SEMA3A: variants seen among roughly 807,000 people sequenced by gnomAD.
SEMA3A encodes the protein semaphorin 3A, also known as semaphorin-3A.
A neutral mutation model predicts 97.9 loss-of-function variants in SEMA3A; 29 were observed. The observed-to-expected ratio is 0.30, with a 90% CI of 0.22 to 0.40. The LOEUF (loss-of-function observed/expected upper bound fraction) is 0.40, where lower values mean the gene tolerates loss of function less well. Ranked by LOEUF, SEMA3A falls within the 10% of genes least tolerant of loss-of-function variation. The pLI is 1.00. For missense variants in SEMA3A, 763 were observed against 951.3 expected, an observed-to-expected ratio of 0.80 and a Z score of 2.60; for synonymous variants, 321 against 323.7, an observed-to-expected ratio of 0.99 and a Z score of 0.09.
chr7:84,066,893 C>A (rs931647359), intron 4 of SEMA3A, among the ~76,000 whole-genome samples: 9 of 152,012 alleles, frequency 5.9e-5, no homozygotes, highest in Admixed American at 1.3e-4. Context: ...GCTACCAATG[C>A]CTTTCTTCAC....
At chr7:84,313,445 T>C (rs1204711359) in intron 2 of SEMA3A, among the ~76,000 whole-genome samples, 1 of 144,824 alleles carries the variant, frequency 6.9e-6, no homozygotes, top group Non-Finnish European at 1.5e-5. Flanking sequence ...CTTTCTTGGC[T>C]ACAGTTATGA....
chr7:84,430,382 G>T (rs1315579617), intron 1 of SEMA3A, among the ~76,000 whole-genome samples: 1 of 151,884 alleles, frequency 6.6e-6, no homozygotes, highest in African/African-American at 2.4e-5. Flanking sequence ...GAGACATTTT[G>T]CATAAGAACT....
At chr7:84,118,939 GAT>G (rs1795516727) in intron 3 of SEMA3A, among the ~76,000 whole-genome samples, 1 of 151,974 alleles carries the variant, frequency 6.6e-6, no homozygotes, top group Admixed American at 6.6e-5. Context: ...ATGATGAAAA[GAT>G]ATATCTTACA....
intron 2 of SEMA3A, among the ~76,000 whole-genome samples, chr7:84,307,568 G>A (rs1801191739): frequency 6.6e-6 from 1 of 152,098 alleles, no homozygotes; most frequent in Admixed American, 6.6e-5. Flanking sequence ...TTTAGGCTCT[G>A]GCTCTACTAA....
intron 2 of SEMA3A, among the ~76,000 whole-genome samples, chr7:84,316,305 G>T (rs1441680369): frequency 6.6e-6 from 1 of 151,470 alleles, no homozygotes; most frequent in Non-Finnish European, 1.5e-5. Context: ...TATAATTATT[G>T]TAACCAAATT....
chr7:84,416,203 G>C (rs1244585442), intron 1 of SEMA3A, among the ~76,000 whole-genome samples: 1 of 152,070 alleles, frequency 6.6e-6, no homozygotes. Context: ...ATTGAATCAT[G>C]GGAGCCAGTC....
At chr7:84,409,244 A>G (rs1277758617) in intron 1 of SEMA3A, among the ~76,000 whole-genome samples, 2 of 151,796 alleles carry the variant, frequency 1.3e-5, no homozygotes, top group East Asian at 1.9e-4. Flanking sequence ...GGATATTTTA[A>G]TTACCTTAAT....
intron 3 of SEMA3A, among the ~76,000 whole-genome samples, chr7:84,301,365 G>T (rs1335144830): frequency 6.6e-6 from 1 of 152,042 alleles, no homozygotes; most frequent in African/African-American, 2.4e-5. Flanking sequence ...TCTTCAGAAT[G>T]CATAAAGTGC....
chr7:84,488,315 TATACACACACACACAC>T (rs1215861226), intron 1 of SEMA3A, among the ~76,000 whole-genome samples: 1 of 94,210 alleles, frequency 1.1e-5, no homozygotes. Flanking sequence ...TTTCTTCGTA[TATACACACACACACAC>T]ACACACACAC....
rs554882230 is a variant in SEMA3A, at chr7:84,075,264, C to A, written c.454-14706G>T. Among the ~76,000 whole-genome samples, 8 of 150,374 alleles carry A rather than the reference C, an allele frequency of 5.3e-5. No homozygotes were observed. The East Asian group carries it at 1.6e-3, about 29-fold the overall frequency. ...TCTCGGCTCACTGTAACCTCCACCTCCTGGGTTCAAGTGATTCTCCTGCCT... is the reference window on the plus strand; with the variant it reads ...TCTCGGCTCACTGTAACCTCCACCTACTGGGTTCAAGTGATTCTCCTGCCT... On this transcript the variant is annotated intron_variant, in intron 4 of 16. Coordinates refer to ENST00000265362, the MANE Select transcript of SEMA3A (RefSeq NM_006080.3).
intron 1 of SEMA3A, among the ~76,000 whole-genome samples, chr7:84,170,950 T>C (rs574182775): frequency 6.6e-6 from 1 of 152,210 alleles, no homozygotes; most frequent in Non-Finnish European, 1.5e-5. Flanking sequence ...ACTAGGTCAA[T>C]GTATTATGAA....
chr7:84,489,686 C>T (rs1018215715), intron 1 of SEMA3A, among the ~76,000 whole-genome samples: 1 of 152,096 alleles, frequency 6.6e-6, no homozygotes, highest in African/African-American at 2.4e-5. Flanking sequence ...CTAGATTTTT[C>T]TCTTCCTTGA....
chr7:84,273,539 G>T, intron 3 of SEMA3A, among the ~76,000 whole-genome samples: 1 of 152,134 alleles, frequency 6.6e-6, no homozygotes, highest in South Asian at 2.1e-4. Context: ...CCTGAATGTC[G>T]CACATTTTCC....
chr7:84,479,197 G>T (rs1806378513), intron 1 of SEMA3A, among the ~76,000 whole-genome samples: 1 of 152,104 alleles, frequency 6.6e-6, no homozygotes, highest in African/African-American at 2.4e-5. Context: ...ATTGTAAGGG[G>T]AGAAACCTGG....
intron 2 of SEMA3A, among the ~76,000 whole-genome samples, chr7:84,342,038 C>G (rs951984839): frequency 1.3e-5 from 2 of 151,758 alleles, no homozygotes; most frequent in African/African-American, 4.8e-5. Context: ...TTCCTTGTCA[C>G]TAATTTTTTT....
At chr7:84,445,516 A>G (rs201182754) in intron 1 of SEMA3A, among the ~76,000 whole-genome samples, 29 of 123,750 alleles carry the variant, frequency 2.3e-4, no homozygotes, top group African/African-American at 6.2e-4. Context: ...AAAAAAAAAA[A>G]AAAAGAAAAG....
intron 1 of SEMA3A, among the ~76,000 whole-genome samples, chr7:84,170,060 C>T (rs1797337949): frequency 6.6e-6 from 1 of 151,834 alleles, no homozygotes. Flanking sequence ...TATTAAGTGT[C>T]ACCAAGCACA....
At chr7:84,184,603 T>C (rs1487339615) in intron 1 of SEMA3A, among the ~76,000 whole-genome samples, 1 of 150,518 alleles carries the variant, frequency 6.6e-6, no homozygotes, top group African/African-American at 2.4e-5. Flanking sequence ...GGTGGGGGTA[T>C]GGGTAAGGGG....
At chr7:84,251,902 C>T (rs1312539441) in intron 3 of SEMA3A, among the ~76,000 whole-genome samples, 1 of 140,522 alleles carries the variant, frequency 7.1e-6, no homozygotes, top group Non-Finnish European at 1.5e-5. Flanking sequence ...TCAGCGTTCA[C>T]AAAATAAAAA....
Sources: gnomAD v4.1 joint callset for allele counts (sites outside exome capture counted in the v4.1 genomes callset) on GRCh38, gnomAD v4.1.1 for gene constraint, MANE v1.5 for transcripts, NCBI Gene and HGNC (gene_info 2026-07-23, HGNC 2026-07-21) for gene names.